ANKRD11: variants seen among roughly 807,000 people sequenced by gnomAD.
The protein encoded by ANKRD11 is ankyrin repeat domain 11.
In ANKRD11, 17 loss-of-function variants were observed where a neutral mutation model predicts 195.7. The observed-to-expected ratio is 0.09, with a 90% CI of 0.06 to 0.13. The LOEUF (loss-of-function observed/expected upper bound fraction) is 0.13. Among genes scored for constraint, ANKRD11 ranks in the 10% least tolerant of loss-of-function variants. The pLI is 1.00. For missense variants in ANKRD11, 3,735 were observed against 3,566.1 expected (o/e 1.05, Z -1.21); for synonymous variants, 1,953 against 1,528.1 (o/e 1.28, Z -6.49).
chr16:89,289,314 G>C (rs2151787627), intron 6 of ANKRD11, among the ~76,000 whole-genome samples: 1 of 152,280 alleles, frequency 6.6e-6, no homozygotes, highest in African/African-American at 2.4e-5. Flanking sequence ...AATTAGGTTT[G>C]GGTCAGACAG....
chr16:89,272,009 C>G (rs574253075), intron 11 of ANKRD11: 1 of 151,972 alleles, frequency 6.6e-6, no homozygotes, highest in South Asian at 2.1e-4. Flanking sequence ...CACAGATTCT[C>G]AAGCAGAACA....
At chr16:89,397,675 AGTGT>A (rs1170933761) in intron 2 of ANKRD11, among the ~76,000 whole-genome samples, 1 of 152,192 alleles carries the variant, frequency 6.6e-6, no homozygotes, top group African/African-American at 2.4e-5. Flanking sequence ...CCAGTTTTAC[AGTGT>A]GCTTTTGTGG....
intron 2 of ANKRD11, among the ~76,000 whole-genome samples, chr16:89,380,518 G>A (rs952647677): frequency 6.6e-6 from 1 of 151,960 alleles, no homozygotes; most frequent in African/African-American, 2.4e-5. Flanking sequence ...GTCTCCACCT[G>A]CATAAGAAAC....
intron 2 of ANKRD11, among the ~76,000 whole-genome samples, chr16:89,416,369 G>T (rs1421094552): frequency 2.0e-5 from 3 of 151,908 alleles, no homozygotes; most frequent in Non-Finnish European, 4.4e-5. Flanking sequence ...TTGTGATCTT[G>T]GCTCACTGAA....
chr16:89,404,015 A>G (rs1327809261), intron 2 of ANKRD11, among the ~76,000 whole-genome samples: 1 of 152,194 alleles, frequency 6.6e-6, no homozygotes, highest in African/African-American at 2.4e-5. Flanking sequence ...AATGCAAGAG[A>G]CTCAGAACTA....
rs2033503533 is a variant in ANKRD11, at chr16:89,274,833, T to C, written c.7694A>G (p.Asn2565Ser). 1 of 1,611,786 alleles carries C rather than the reference T, an allele frequency of 6.2e-7. No homozygotes were observed. The highest frequency in any genetic ancestry group is 8.5e-7 in the Non-Finnish European group (1 of 1,179,844). The change falls in exon 11 of 13, where the codon AAC (asparagine) becomes AGC (serine). Residue 2565 changes from asparagine (N) to serine (S), a missense_variant. Transcript: ENST00000301030. ...CTMLLDSEVY[N>S]MPLESQGDEN... is the part of the protein sequence containing the mutation. ...CCCTACCTGGCTCTCCAGGGGCATGTTGTAGACCTCGGAGTCCAGCAGCAT... is the reference window on the plus strand; with the variant it reads ...CCCTACCTGGCTCTCCAGGGGCATGCTGTAGACCTCGGAGTCCAGCAGCAT...
At position 89,340,417 on chromosome 16, in the gene ANKRD11, G is replaced by C. The variant is rs1298917429; in HGVS notation, c.-59-23339C>G. Among the ~76,000 whole-genome samples the C allele has an allele frequency of 3.3e-5, 5 of 152,234 alleles. No individual in the cohort carries two copies. In the East Asian group the frequency reaches 5.8e-4, roughly 18 times the overall value. On this transcript the variant is annotated intron_variant, in intron 2 of 12. Transcript: ENST00000301030. Reference sequence around the variant, plus strand: ...AGCCCCCTGAGTAGCTGAGATTACAGGCATGCGCCACCATGCCTGGCTAGT... The same window carrying C: ...AGCCCCCTGAGTAGCTGAGATTACACGCATGCGCCACCATGCCTGGCTAGT...
Position 89,285,487 on chromosome 16 carries a change from T to C in ANKRD11, c.1055A>G (p.Asp352Gly). Residue 352 changes from aspartate to glycine, a missense_variant, in exon 9 of 13, where the codon GAC becomes GGC. Asp to Gly is a moderately conservative substitution (Grantham distance 94). Transcript: ENST00000301030. The surrounding 1 kb of genome is among the most constrained non-coding windows in gnomAD (Gnocchi z 5.6). ...PVKDEYEFDE[D>G]DEQDRVPPVD... ...CGGAGGAACCCTGTCCTGCTCGTCG[T>C]CCTCATCAAACTCATACTCGTCCTT... 1 of 1,614,272 alleles carries C rather than the reference T, an allele frequency of 6.2e-7. No homozygotes were observed. Among genetic ancestry groups the C allele is most frequent in the Non-Finnish European group, 8.5e-7 (1 of 1,180,050 alleles).
chr16:89,305,134 A>C lies in ANKRD11; in HGVS notation c.226+72T>G, dbSNP rs190773311. ...GTGCAAAGCCGGAGGTGCGGGGGCC[A>C]GGGACGCCCTGCCTGGGCTGCTCCG... On this transcript the variant is annotated intron_variant, in intron 4 of 12. Coordinates refer to ENST00000301030, the MANE Select transcript of ANKRD11 (RefSeq NM_013275.6). 4.9e-4 allele frequency: 770 copies of C among 1,579,564 alleles called. 5 individuals are homozygous for C. In the African/African-American group the frequency reaches 9.2e-3, roughly 19 times the overall value.
chr16:89,464,962 T>A (rs1272643624), intron 1 of ANKRD11, among the ~76,000 whole-genome samples: 1 of 152,242 alleles, frequency 6.6e-6, no homozygotes, highest in Non-Finnish European at 1.5e-5. Context: ...TGGCCCAATG[T>A]CTTTTTTAGA....
intron 2 of ANKRD11, among the ~76,000 whole-genome samples, chr16:89,350,096 G>A (rs1397319014): frequency 6.6e-6 from 1 of 152,124 alleles, no homozygotes; most frequent in African/African-American, 2.4e-5. Context: ...CACATGAAAA[G>A]ACAAGCAACA....
At chr16:89,333,622 A>G (rs1307071455) in intron 2 of ANKRD11, among the ~76,000 whole-genome samples, 1 of 152,072 alleles carries the variant, frequency 6.6e-6, no homozygotes, top group East Asian at 1.9e-4. Context: ...TACAGTGTGT[A>G]GTCCTTGGAG....
intron 11 of ANKRD11, among the ~76,000 whole-genome samples, chr16:89,273,272 T>C (rs993943132): frequency 6.6e-6 from 1 of 152,162 alleles, no homozygotes; most frequent in Non-Finnish European, 1.5e-5. Flanking sequence ...CACGAGCTGG[T>C]CCTCCTCATT....
chr16:89,464,696 CAAT>C (rs2056824013), intron 1 of ANKRD11, among the ~76,000 whole-genome samples: 1 of 151,270 alleles, frequency 6.6e-6, no homozygotes, highest in Non-Finnish European at 1.5e-5. Context: ...AATGACATGT[CAAT>C]AGTTGACCAG....
intron 2 of ANKRD11, among the ~76,000 whole-genome samples, chr16:89,365,054 G>A (rs2039888825): frequency 1.3e-5 from 2 of 152,154 alleles, no homozygotes; most frequent in African/African-American, 4.8e-5. Context: ...TAACAAGTCT[G>A]GAAGCCAAAA....
chr16:89,484,767 A>G (rs771587754), intron 1 of ANKRD11, among the ~76,000 whole-genome samples: 1 of 152,250 alleles, frequency 6.6e-6, no homozygotes, highest in Non-Finnish European at 1.5e-5. Context: ...GAATTTTACC[A>G]TGACAAAAGA....
intron 2 of ANKRD11, chr16:89,323,676 C>T (rs1003688049): frequency 3.3e-6 from 1 of 306,960 alleles, no homozygotes; most frequent in Non-Finnish European, 6.3e-6. Context: ...CCTGACAGTC[C>T]ACGTCAGCGT....
At chr16:89,445,273 G>A (rs978201733) in intron 1 of ANKRD11, among the ~76,000 whole-genome samples, 1 of 152,220 alleles carries the variant, frequency 6.6e-6, no homozygotes, top group African/African-American at 2.4e-5. Flanking sequence ...GGAGCAAGCT[G>A]TTTTCTTTAA....
At chr16:89,270,579 C>G (rs902047781) in intron 12 of ANKRD11, 1 of 558,854 alleles carries the variant, frequency 1.8e-6, no homozygotes, top group Non-Finnish European at 3.2e-6. Context: ...GAGCTGGCGA[C>G]AGGAGCCGCT....
Sources: gnomAD v4.1 joint callset for allele counts (sites outside exome capture counted in the v4.1 genomes callset) on GRCh38, gnomAD v4.1.1 for gene constraint, Gnocchi (gnomAD v3.1) non-coding constraint, MANE v1.5 for transcripts, NCBI Gene and HGNC (gene_info 2026-07-23, HGNC 2026-07-21) for gene names.